The following LAMA2 variants were observed in gnomAD, a reference collection of about 807,000 sequenced individuals.
LAMA2 encodes laminin subunit alpha 2, also known as laminin subunit alpha-2.
In LAMA2, 269 loss-of-function variants were observed where a neutral mutation model predicts 364.8. The ratio of observed to expected loss-of-function variants is 0.74; its 90% confidence interval spans 0.67 to 0.82. The LOEUF (loss-of-function observed/expected upper bound fraction) is 0.82, where lower values mean the gene tolerates loss of function less well. Ranked by LOEUF, LAMA2 falls within the 40% of genes least tolerant of loss-of-function variation. LAMA2 has a pLI of 0.00. For missense variants in LAMA2, 3,807 were observed against 3,873.2 expected (o/e 0.98, Z 0.45); for synonymous variants, 1,379 against 1,370.6 (o/e 1.01, Z -0.14).
chr6:129,047,871 G>A (rs543845444), intron 1 of LAMA2, among the ~76,000 whole-genome samples: 158 of 151,760 alleles, frequency 1.0e-3, no homozygotes, highest in Admixed American at 2.0e-3. Flanking sequence ...CAATTCTAAG[G>A]CCAACCAGGT....
intron 4 of LAMA2, among the ~76,000 whole-genome samples, chr6:129,142,038 T>A (rs11756052): frequency 6.6e-6 from 1 of 151,942 alleles, no homozygotes; most frequent in African/African-American, 2.4e-5. Context: ...ATCTGTATGT[T>A]GAGAGATTCC....
chr6:129,353,187 G>A lies in LAMA2; in HGVS notation c.4547G>A (p.Ser1516Asn). Reference protein sequence around the residue: ...CERCAPGYTGSPGNPGGSCQE... With the variant: ...CERCAPGYTGNPGNPGGSCQE... Reference sequence around the variant, plus strand: ...AGGTGTGCCCCTGGCTATACTGGCAGTCCAGGCAACCCTGGAGGCTCCTGC... The same window carrying A: ...AGGTGTGCCCCTGGCTATACTGGCAATCCAGGCAACCCTGGAGGCTCCTGC... The change falls in exon 32 of 65, where the codon AGT becomes AAT. Residue 1516 changes from serine to asparagine, a missense_variant. Around this residue, in one of 3 missense-constraint regions of LAMA2, gnomAD observed 3,333 missense variants for 3,345.7 expected, o/e 1.00. Transcript: ENST00000421865. The A allele has an allele frequency of 1.2e-6, 2 of 1,613,776 alleles. No individual in the cohort carries two copies. The highest frequency in any genetic ancestry group is 1.7e-6 in the Non-Finnish European group (2 of 1,179,770).
At chr6:129,181,029 C>T (rs930263743) in intron 10 of LAMA2, among the ~76,000 whole-genome samples, 2 of 152,054 alleles carry the variant, frequency 1.3e-5, no homozygotes, top group Admixed American at 6.6e-5. Context: ...TGCAAGCCTA[C>T]AGAGGCAGCT....
intron 4 of LAMA2, among the ~76,000 whole-genome samples, chr6:129,114,681 A>C (rs747533240): frequency 6.6e-6 from 1 of 151,974 alleles, no homozygotes; most frequent in Non-Finnish European, 1.5e-5. Flanking sequence ...TAGTTGAAAG[A>C]CGCTACTGTT....
At chr6:129,363,199 G>C (rs1245487149) in intron 32 of LAMA2, among the ~76,000 whole-genome samples, 1 of 152,136 alleles carries the variant, frequency 6.6e-6, no homozygotes, top group African/African-American at 2.4e-5. Flanking sequence ...AACCACTCGG[G>C]AGGCTGAGGC....
chr6:129,513,715 C>T (rs1384021147), intron 63 of LAMA2, among the ~76,000 whole-genome samples: 1 of 152,092 alleles, frequency 6.6e-6, no homozygotes, highest in African/African-American at 2.4e-5. Context: ...AGGGGCTTTT[C>T]CACATTACTA....
chr6:129,287,814 C>A (rs201028180), intron 18 of LAMA2, 33 bp from the exon 19 acceptor site: 23 of 1,571,380 alleles, frequency 1.5e-5, no homozygotes, highest in Admixed American at 1.7e-5. Flanking sequence ...TGAGGTCCCC[C>A]CAAAGGCTCA....
At chr6:128,958,434 A>G (rs1057325956) in intron 1 of LAMA2, among the ~76,000 whole-genome samples, 2 of 152,128 alleles carry the variant, frequency 1.3e-5, no homozygotes, top group African/African-American at 4.8e-5. Flanking sequence ...GAAATAAAAT[A>G]TTACTCATAC....
chr6:129,469,740 A>T (rs1783718088), intron 51 of LAMA2, among the ~76,000 whole-genome samples: 1 of 152,024 alleles, frequency 6.6e-6, no homozygotes, highest in East Asian at 1.9e-4. Context: ...TGGTATACTC[A>T]TACAATGGAA....
intron 9 of LAMA2, among the ~76,000 whole-genome samples, chr6:129,176,776 CT>C (rs1780621882): frequency 6.6e-6 from 1 of 151,774 alleles, no homozygotes; most frequent in African/African-American, 2.4e-5. Context: ...TTTTCTTTTA[CT>C]TGTAATATTT....
intron 4 of LAMA2, among the ~76,000 whole-genome samples, chr6:129,115,333 A>G (rs577210261): frequency 2.0e-5 from 3 of 152,250 alleles, no homozygotes; most frequent in South Asian, 2.1e-4. Context: ...TCTTTTTGAA[A>G]TAAATTTTCA....
intron 3 of LAMA2, among the ~76,000 whole-genome samples, chr6:129,090,353 G>T (rs567923858): frequency 2.6e-5 from 4 of 152,178 alleles, no homozygotes; most frequent in African/African-American, 9.6e-5. Context: ...TGAAGGATAA[G>T]ACTCTTTTAT....
At chr6:129,320,421 T>C in intron 27 of LAMA2, 117 bp from the exon 28 acceptor site, 2 of 761,086 alleles carry the variant, frequency 2.6e-6, no homozygotes, top group South Asian at 1.4e-5. Context: ...AAAAAGACAA[T>C]AGAACATACT....
At position 129,440,954 on chromosome 6, in the gene LAMA2, G is replaced by A. The variant is rs910146690; in HGVS notation, c.6224G>A (p.Ser2075Asn). The A allele has an allele frequency of 5.0e-6, 8 of 1,613,848 alleles. No homozygotes were observed. The Admixed American group carries it at 6.7e-5, about 13-fold the overall frequency. Residue 2075 changes from serine (S) to asparagine (N), a missense_variant, in exon 43 of 65, where the codon AGC becomes AAC. Transcript: ENST00000421865. ...LKKNYNKLAD[S>N]VAKTNAVVKD... The stretch of plus-strand genomic sequence containing the variant: ...AAGAATTACAATAAACTAGCAGACA[G>A]CGTCGCCAAAACGAATGCTGTGGTT...
intron 42 of LAMA2, 111 bp from the exon 43 acceptor site, chr6:129,440,705 T>A: frequency 2.1e-6 from 2 of 954,966 alleles, no homozygotes; most frequent in Non-Finnish European, 3.4e-6. Context: ...GCCTTTTCCC[T>A]TTGTAAATGT....
At chr6:129,307,581 T>G (rs112021221) in intron 22 of LAMA2, among the ~76,000 whole-genome samples, 484 of 152,308 alleles carry the variant, frequency 3.2e-3, no homozygotes, top group South Asian at 7.5e-3. Context: ...CTGCTTCATG[T>G]TTTTTTCCTT....
At chr6:129,140,133 C>A (rs1357907062) in intron 4 of LAMA2, among the ~76,000 whole-genome samples, 1 of 152,042 alleles carries the variant, frequency 6.6e-6, no homozygotes, top group Non-Finnish European at 1.5e-5. Context: ...AATGGAAAAT[C>A]GTCTATACGA....
intron 1 of LAMA2, among the ~76,000 whole-genome samples, chr6:129,023,214 C>T (rs59865180): frequency 0.017 from 2,527 of 152,254 alleles, 48 homozygotes; most frequent in African/African-American, 0.048. Context: ...AGATTTTTCT[C>T]TATCTTTGCT....
At chr6:128,898,318 C>T (rs1461488807) in intron 1 of LAMA2, among the ~76,000 whole-genome samples, 1 of 152,158 alleles carries the variant, frequency 6.6e-6, no homozygotes, top group Non-Finnish European at 1.5e-5. Flanking sequence ...TCTCCTAGGT[C>T]CTTCACAGCG....
Sources: gnomAD v4.1 joint callset for allele counts (sites outside exome capture counted in the v4.1 genomes callset) on GRCh38, gnomAD v4.1.1 for gene constraint, gnomAD v4.1.1 regional missense constraint, MANE v1.5 for transcripts, NCBI Gene and HGNC (gene_info 2026-07-23, HGNC 2026-07-21) for gene names.